The following MAGI1 variants were observed in gnomAD, a reference collection of about 807,000 sequenced individuals.
The protein encoded by MAGI1 is membrane associated guanylate kinase, WW and PDZ domain containing 1.
In MAGI1, 58 loss-of-function variants were observed where a neutral mutation model predicts 139.9. The observed-to-expected ratio is 0.41, with a 90% CI of 0.34 to 0.52. MAGI1 has a LOEUF of 0.52. Among genes scored for constraint, MAGI1 ranks in the 20% least tolerant of loss-of-function variants. MAGI1 has a pLI of 0.12. For synonymous variants in MAGI1, 812 were observed against 737.9 expected, an observed-to-expected ratio of 1.10 and a Z score of -1.63; for missense variants, 1,874 against 1,901.6, an observed-to-expected ratio of 0.99 and a Z score of 0.27.
At chr3:65,652,312 G>T (rs1472184746) in intron 1 of MAGI1, among the ~76,000 whole-genome samples, 2 of 152,146 alleles carry the variant, frequency 1.3e-5, no homozygotes, top group Non-Finnish European at 2.9e-5. Flanking sequence ...GACTAACGGG[G>T]AGAGATAACC....
intron 1 of MAGI1, among the ~76,000 whole-genome samples, chr3:65,791,266 C>T (rs2108068622): frequency 6.6e-6 from 1 of 152,244 alleles, no homozygotes; most frequent in African/African-American, 2.4e-5. Flanking sequence ...TCCTTCGAAG[C>T]TGAAAAACCC....
intron 6 of MAGI1, among the ~76,000 whole-genome samples, chr3:65,452,052 C>T (rs1949062771): frequency 6.6e-6 from 1 of 152,098 alleles, no homozygotes; most frequent in Non-Finnish European, 1.5e-5. Flanking sequence ...CTATTATCTC[C>T]CAAGCATGCA....
chr3:66,029,727 C>T (rs1055270248), intron 1 of MAGI1, among the ~76,000 whole-genome samples: 1 of 152,126 alleles, frequency 6.6e-6, no homozygotes, highest in Non-Finnish European at 1.5e-5. Flanking sequence ...CCAGATAAGC[C>T]CTGTGCATTC....
intron 1 of MAGI1, among the ~76,000 whole-genome samples, chr3:65,846,527 G>T (rs6796700): frequency 0.74 from 112,976 of 152,146 alleles, 42,417 homozygotes; most frequent in African/African-American, 0.86. Flanking sequence ...TGCCACCAGA[G>T]TCATAATAGG....
intron 1 of MAGI1, among the ~76,000 whole-genome samples, chr3:65,628,879 T>C (rs1034902824): frequency 1.3e-5 from 2 of 152,232 alleles, no homozygotes; most frequent in East Asian, 1.9e-4. Flanking sequence ...TTGTCTTTTA[T>C]GTTTTCCTTT....
At chr3:65,515,337 T>C (rs1398770861) in intron 2 of MAGI1, among the ~76,000 whole-genome samples, 2 of 152,146 alleles carry the variant, frequency 1.3e-5, no homozygotes, top group East Asian at 3.9e-4. Context: ...AAGACAGCAA[T>C]TTTTTAAATT....
chr3:65,581,915 T>G (rs1171818773), intron 2 of MAGI1, among the ~76,000 whole-genome samples: 1 of 152,126 alleles, frequency 6.6e-6, no homozygotes, highest in Non-Finnish European at 1.5e-5. Context: ...TCCTGACACT[T>G]AGAAAAGTGC....
chr3:65,777,234 G>C (rs1442474811), intron 1 of MAGI1, among the ~76,000 whole-genome samples: 1 of 152,160 alleles, frequency 6.6e-6, no homozygotes, highest in Non-Finnish European at 1.5e-5. Flanking sequence ...TGACCTCAGA[G>C]AAGTTCCTTA....
chr3:65,778,189 G>C (rs906159101), intron 1 of MAGI1, among the ~76,000 whole-genome samples: 1 of 152,084 alleles, frequency 6.6e-6, no homozygotes, highest in Non-Finnish European at 1.5e-5. Context: ...CAGCACTTTG[G>C]GGGGCCAAGG....
intron 1 of MAGI1, among the ~76,000 whole-genome samples, chr3:65,990,166 G>A (rs1185051457): frequency 6.6e-6 from 1 of 152,104 alleles, no homozygotes; most frequent in Non-Finnish European, 1.5e-5. Flanking sequence ...ATTAACGTGA[G>A]GCAGGGGAGG....
chr3:65,860,030 G>A (rs1397891391), intron 1 of MAGI1, among the ~76,000 whole-genome samples: 1 of 151,826 alleles, frequency 6.6e-6, no homozygotes, highest in Non-Finnish European at 1.5e-5. Context: ...CGAGTAGCTG[G>A]GATTACAGGC....
chr3:65,356,451 C>T lies in MAGI1; in HGVS notation c.4316G>A (p.Gly1439Asp), dbSNP rs144133607. Residue 1439 changes from glycine to aspartate, a missense_variant, in exon 23 of 23, where the codon GGC (glycine) becomes GAC (aspartate). Physicochemically the swap from Gly to Asp is moderately conservative, Grantham distance 94 (BLOSUM62 -1). This residue lies in a region of MAGI1 where 653 missense variants were observed against 644.5 expected (regional missense o/e 1.01). Transcript: ENST00000402939. ...REEANLKQDA[G>D]RSSRHPPEQR... ...CTCCGGGGGATGTCTGGAACTTCTG[C>T]CGGCATCCTGTTTCAGATTCGCCTC... 6.2e-7 allele frequency: 1 copy of T among 1,611,518 alleles called. No individual in the cohort carries two copies. The highest frequency in any genetic ancestry group is 2.2e-5 in the East Asian group (1 of 44,794).
chr3:65,409,344 G>A (rs191075964), intron 12 of MAGI1, among the ~76,000 whole-genome samples: 144 of 152,248 alleles, frequency 9.5e-4, no homozygotes, highest in Middle Eastern at 3.4e-3. Flanking sequence ...AATCTAATCC[G>A]ATATGAAGAA....
intron 1 of MAGI1, among the ~76,000 whole-genome samples, chr3:66,004,567 T>C (rs1020568392): frequency 6.6e-5 from 10 of 152,132 alleles, no homozygotes; most frequent in African/African-American, 2.2e-4. Flanking sequence ...TTGGTCCAGA[T>C]AATCACAAAG....
chr3:65,751,804 C>T (rs1374083982), intron 1 of MAGI1, among the ~76,000 whole-genome samples: 1 of 152,134 alleles, frequency 6.6e-6, no homozygotes, highest in Non-Finnish European at 1.5e-5. Context: ...AAAAGATATA[C>T]AATATTTAGA....
intron 12 of MAGI1, among the ~76,000 whole-genome samples, chr3:65,422,126 T>A (rs963804561): frequency 1.4e-4 from 21 of 152,356 alleles, no homozygotes; most frequent in East Asian, 7.7e-4. Flanking sequence ...ATGGTGGAAA[T>A]GTTCTCTGTC....
chr3:65,915,864 C>A (rs992807496), intron 1 of MAGI1, among the ~76,000 whole-genome samples: 8 of 151,874 alleles, frequency 5.3e-5, no homozygotes, highest in African/African-American at 1.9e-4. Flanking sequence ...AAAAAGGACT[C>A]AACTTAGTGA....
chr3:65,500,821 G>T (rs1002995426), intron 2 of MAGI1, among the ~76,000 whole-genome samples: 2 of 152,166 alleles, frequency 1.3e-5, no homozygotes, highest in Admixed American at 1.3e-4. Flanking sequence ...ATTAATCAGG[G>T]TCCTGCTTGT....
chr3:65,653,224 T>C (rs1408139378), intron 1 of MAGI1, among the ~76,000 whole-genome samples: 3 of 152,170 alleles, frequency 2.0e-5, no homozygotes, highest in African/African-American at 7.2e-5. Context: ...TGCCCAGTTC[T>C]TCTAATTCCA....
Sources: gnomAD v4.1 joint callset for allele counts (sites outside exome capture counted in the v4.1 genomes callset) on GRCh38, gnomAD v4.1.1 for gene constraint, gnomAD v4.1.1 regional missense constraint, MANE v1.5 for transcripts, NCBI Gene and HGNC (gene_info 2026-07-23, HGNC 2026-07-21) for gene names.